SNX24: variants seen among roughly 807,000 people sequenced by gnomAD.
The protein encoded by SNX24 is sorting nexin 24, also known as sorting nexin-24.
SNX24 carries 22 observed loss-of-function variants against 28.7 expected under a neutral mutation model. The observed-to-expected ratio is 0.77, with a 90% CI of 0.55 to 1.10. The LOEUF (loss-of-function observed/expected upper bound fraction) is 1.10, where lower values mean the gene tolerates loss of function less well. SNX24 is among the 50% of genes least tolerant of loss of function. SNX24 has a pLI of 0.00. For missense variants in SNX24, 221 were observed against 201.1 expected, an observed-to-expected ratio of 1.10 and a Z score of -0.60; for synonymous variants, 69 against 71.5, an observed-to-expected ratio of 0.96 and a Z score of 0.18.
At chr5:122,853,735 G>A (rs775334970) in intron 1 of SNX24, 24 of 373,134 alleles carry the variant, frequency 6.4e-5, no homozygotes, top group South Asian at 1.8e-4. Flanking sequence ...CGATCCTACC[G>A]CTTCAGCCTC....
At chr5:123,010,844 GCTTT>G, downstream of SNX24, among the ~76,000 whole-genome samples, 1 of 143,830 alleles carries the variant, frequency 7.0e-6, no homozygotes, top group South Asian at 2.2e-4. Flanking sequence ...AATACCCATT[GCTTT>G]CTATTTTTTT....
At chr5:122,943,040 G>A (rs1329542168) in intron 2 of SNX24, among the ~76,000 whole-genome samples, 1 of 152,126 alleles carries the variant, frequency 6.6e-6, no homozygotes, top group African/African-American at 2.4e-5. Flanking sequence ...GTTTCTTTAT[G>A]TTTAAAGTGA....
intron 3 of SNX24, among the ~76,000 whole-genome samples, chr5:122,994,963 A>G (rs1018214296): frequency 2.6e-5 from 4 of 152,194 alleles, no homozygotes; most frequent in African/African-American, 9.7e-5. Context: ...ACACACCTGT[A>G]ACAGTTCTTT....
chr5:122,927,541 A>G (rs1048624664), intron 1 of SNX24, among the ~76,000 whole-genome samples: 5 of 152,048 alleles, frequency 3.3e-5, no homozygotes, highest in African/African-American at 1.2e-4. Context: ...TAGGGAGAAC[A>G]TTGACAGACT....
intron 1 of SNX24, among the ~76,000 whole-genome samples, chr5:122,895,008 CTTTT>C (rs11292012): frequency 1.4e-5 from 2 of 144,468 alleles, no homozygotes; most frequent in Non-Finnish European, 3.0e-5. Flanking sequence ...TTTAACAGTA[CTTTT>C]TTTTTTTTTT....
chr5:123,007,279 A>G (rs1762450911), intron 6 of SNX24, among the ~76,000 whole-genome samples: 1 of 152,256 alleles, frequency 6.6e-6, no homozygotes, highest in South Asian at 2.1e-4. Flanking sequence ...CCACAATGGA[A>G]AAACTGCAGT....
At chr5:122,854,946 C>A (rs1489875446) in intron 1 of SNX24, among the ~76,000 whole-genome samples, 1 of 152,182 alleles carries the variant, frequency 6.6e-6, no homozygotes, top group Non-Finnish European at 1.5e-5. Flanking sequence ...TATTTTATTG[C>A]TAAAAACTCT....
chr5:122,915,780 G>C (rs1421038724), intron 1 of SNX24, among the ~76,000 whole-genome samples: 1 of 152,196 alleles, frequency 6.6e-6, no homozygotes, highest in East Asian at 1.9e-4. Flanking sequence ...GCCTACCTTA[G>C]CTGCTCCAGA....
chr5:123,002,020 A>T lies in SNX24; in HGVS notation c.442+16A>T, dbSNP rs752746851. On this transcript the variant is annotated intron_variant, in intron 6 of 6. Coordinates refer to ENST00000261369, the MANE Select transcript of SNX24 (RefSeq NM_014035.4). ...GCAGCCAGCGGTAATCAAACCTGTCATCTGCTAACAGCTCTTTACTGATCT... is the reference window on the plus strand; with the variant it reads ...GCAGCCAGCGGTAATCAAACCTGTCTTCTGCTAACAGCTCTTTACTGATCT... The T allele has an allele frequency of 1.9e-6, 3 of 1,601,566 alleles. No homozygotes were observed. The highest frequency in any genetic ancestry group is 2.2e-5 in the East Asian group (1 of 44,810).
intron 1 of SNX24, among the ~76,000 whole-genome samples, chr5:122,909,043 G>C (rs566361899): frequency 6.6e-6 from 1 of 152,080 alleles, no homozygotes; most frequent in Non-Finnish European, 1.5e-5. Flanking sequence ...CCATATGACT[G>C]TATTACCTAT....
intron 2 of SNX24, among the ~76,000 whole-genome samples, chr5:122,941,145 CATG>C (rs1423349971): frequency 1.3e-5 from 2 of 152,220 alleles, no homozygotes; most frequent in Admixed American, 6.5e-5. Context: ...CCTTCCCTCT[CATG>C]ATAACACTGA....
chr5:123,023,263 T>C (rs1762788399), intron 5 of SNX24: 1 of 152,250 alleles, frequency 6.6e-6, no homozygotes, highest in African/African-American at 2.4e-5. Context: ...AGTTATCTAA[T>C]TATGTTTGTA....
intron 1 of SNX24, among the ~76,000 whole-genome samples, chr5:122,886,831 A>G (rs1756740925): frequency 6.7e-6 from 1 of 149,334 alleles, no homozygotes; most frequent in African/African-American, 2.4e-5. Flanking sequence ...CTCTGACTCA[A>G]AAAAAAAAAA....
At chr5:122,910,759 A>G (rs1424926743) in intron 1 of SNX24, among the ~76,000 whole-genome samples, 2 of 151,384 alleles carry the variant, frequency 1.3e-5, no homozygotes, top group South Asian at 2.1e-4. Context: ...GAGAATGATG[A>G]TTTCCAATTT....
At chr5:122,858,705 A>G (rs1388899671) in intron 1 of SNX24, among the ~76,000 whole-genome samples, 2 of 152,220 alleles carry the variant, frequency 1.3e-5, no homozygotes, top group African/African-American at 4.8e-5. Context: ...ATTTGTGCCA[A>G]TCTGATAGGT....
intron 1 of SNX24, among the ~76,000 whole-genome samples, chr5:122,886,416 C>T (rs1756716494): frequency 6.6e-6 from 1 of 152,110 alleles, no homozygotes; most frequent in South Asian, 2.1e-4. Flanking sequence ...CTTTATCTGT[C>T]TTTTCCATGT....
At chr5:122,879,657 CAA>C (rs1308908179) in intron 1 of SNX24, among the ~76,000 whole-genome samples, 1 of 152,122 alleles carries the variant, frequency 6.6e-6, no homozygotes, top group Non-Finnish European at 1.5e-5. Context: ...GATGTAATAA[CAA>C]ATTTAATCAA....
intron 3 of SNX24, among the ~76,000 whole-genome samples, chr5:122,999,124 G>T (rs1762155057): frequency 6.6e-6 from 1 of 152,100 alleles, no homozygotes; most frequent in Non-Finnish European, 1.5e-5. Flanking sequence ...AAAATACATA[G>T]ATAAGAAGAT....
intron 3 of SNX24, among the ~76,000 whole-genome samples, chr5:122,999,162 G>T (rs1268022978): frequency 1.3e-5 from 2 of 152,058 alleles, no homozygotes; most frequent in Non-Finnish European, 2.9e-5. Flanking sequence ...ATTTCTCCTT[G>T]ACATTGCATA....
Sources: allele counts gnomAD v4.1 joint callset (sites outside exome capture counted in the v4.1 genomes callset), GRCh38; gene constraint gnomAD v4.1.1; transcripts MANE v1.5; gene names NCBI Gene and HGNC (gene_info 2026-07-23, HGNC 2026-07-21).